The following ARHGAP11A variants were observed in gnomAD, a reference collection of about 807,000 sequenced individuals.
ARHGAP11A encodes the protein rho GTPase-activating protein 11A.
A neutral mutation model predicts 60.5 loss-of-function variants in ARHGAP11A; 36 were observed. That is an observed-to-expected ratio of 0.59 (90% CI 0.46 to 0.79). The LOEUF is 0.79. ARHGAP11A is among the 30% of genes least tolerant of loss of function. The probability of loss-of-function intolerance (pLI) is 0.00; values close to 1 mark genes in which losing one functional copy is unlikely to be tolerated. For synonymous variants in ARHGAP11A, 362 were observed against 415.5 expected (o/e 0.87, Z 1.57); for missense variants, 1,071 against 1,199.2 (o/e 0.89, Z 1.58).
chr15:32,637,832 C>T lies in ARHGAP11A; in HGVS notation c.3059C>T (p.Pro1020Leu). The change falls in exon 12 of 12, where the codon CCT (proline) becomes CTT (leucine). Residue 1020 changes from proline to leucine, a missense_variant. By Grantham distance (98) the Pro-to-Leu change is moderately conservative. Transcript: ENST00000361627. ...ACTCAATTACTACCAACAAGTAAAC[C>T]TGTAGATTTGTAATTGGTAAATGTT... ...GKTQLLPTSK[P>L]VDL 6.3e-7 allele frequency: 1 copy of T among 1,591,846 alleles called. No homozygotes were observed. Among genetic ancestry groups the T allele is most frequent in the Non-Finnish European group, 8.5e-7 (1 of 1,171,806 alleles).
chr15:32,631,356 C>G (rs1253929222), intron 8 of ARHGAP11A, among the ~76,000 whole-genome samples: 2 of 151,074 alleles, frequency 1.3e-5, no homozygotes, highest in African/African-American at 2.4e-5. Context: ...AGTGCAATGG[C>G]ACAATCTCGG....
intron 4 of ARHGAP11A, 52 bp from the exon 5 acceptor site, chr15:32,625,028 C>T (rs898341400): frequency 1.3e-6 from 2 of 1,580,212 alleles, no homozygotes; most frequent in Non-Finnish European, 1.7e-6. Flanking sequence ...TATTTTAACT[C>T]TTCTGTATTT....
chr15:32,616,425 C>T, intron 1 of ARHGAP11A, 85 bp downstream of exon 1: 13 of 1,582,648 alleles, frequency 8.2e-6, no homozygotes, highest in Admixed American at 1.8e-5. Context: ...CTAAAATGTT[C>T]ACTCTGTGTA....
In ARHGAP11A at chr15:32,638,141, C is replaced by T. The variant is rs1266726273; in HGVS notation, c.*296C>T. On this transcript the variant is annotated 3_prime_UTR_variant, in exon 12 of 12. Coordinates refer to ENST00000361627, the MANE Select transcript of ARHGAP11A (RefSeq NM_014783.6). ...TCGTCCAGGCTGGAGTGCAGTGGCG[C>T]AATCTCACTGCAAGCTCCACTTCCT... 3.9e-6 allele frequency: 1 copy of T among 256,120 alleles called. No homozygotes were observed. The highest frequency in any genetic ancestry group is 9.6e-5 in the South Asian group (1 of 10,464). 15.9% of individuals were successfully genotyped at this position (256,120 alleles called of 1,614,324 possible).
At position 32,636,977 on chromosome 15, in the gene ARHGAP11A, A is replaced by G. The variant is rs2053731720; in HGVS notation, c.2204A>G (p.Asn735Ser). ...KQQSPKDKLN[N>S]KLKENENMME... ...CAGTCCCCAAAGGATAAACTAAATAATAAATTAAAAGAGAATGAGAATATG... is the reference window on the plus strand; with the variant it reads ...CAGTCCCCAAAGGATAAACTAAATAGTAAATTAAAAGAGAATGAGAATATG... The change falls in exon 12 of 12, where the codon AAT becomes AGT. Residue 735 changes from asparagine to serine, a missense_variant. Asn to Ser is a conservative substitution (Grantham distance 46). Around this residue, in one of 4 missense-constraint regions of ARHGAP11A, gnomAD observed 776 missense variants for 760.2 expected, o/e 1.02. Transcript: ENST00000361627. 5.0e-6 allele frequency: 8 copies of G among 1,609,828 alleles called. No individual in the cohort carries two copies. Among genetic ancestry groups the G allele is most frequent in the Non-Finnish European group, 6.8e-6 (8 of 1,178,930 alleles).
intron 2 of ARHGAP11A, among the ~76,000 whole-genome samples, chr15:32,621,115 A>G (rs2053285348): frequency 1.5e-5 from 1 of 64,814 alleles, no homozygotes; most frequent in Non-Finnish European, 3.1e-5. Context: ...CTAAGATATT[A>G]GAGTGTTTGT....
intron 2 of ARHGAP11A, among the ~76,000 whole-genome samples, chr15:32,622,253 A>AT (rs1320534159): frequency 1.3e-5 from 2 of 152,306 alleles, no homozygotes; most frequent in Non-Finnish European, 2.9e-5. Flanking sequence ...TCTTGTCTCT[A>AT]CAAAAAATAG....
In ARHGAP11A at chr15:32,633,110, T is replaced by C. The variant is rs1462462541; in HGVS notation, c.1235+2T>C. On this transcript the variant is annotated splice_donor_variant, in intron 9 of 11. Transcript: ENST00000361627. LOFTEE classifies it high-confidence loss of function. ...AATTGCAGGCAAAAAAGTTTGCAGGTACTTTATCCAGGACATTTTGTTTTC... is the reference window on the plus strand; with the variant it reads ...AATTGCAGGCAAAAAAGTTTGCAGGCACTTTATCCAGGACATTTTGTTTTC... 1 of 1,614,008 alleles carries C rather than the reference T, an allele frequency of 6.2e-7. No homozygotes were observed. Among genetic ancestry groups the C allele is most frequent in the Admixed American group, 1.7e-5 (1 of 59,974 alleles).
At chr15:32,619,564 C>T (rs1377454784) in intron 1 of ARHGAP11A, among the ~76,000 whole-genome samples, 1 of 150,536 alleles carries the variant, frequency 6.6e-6, no homozygotes, top group East Asian at 1.9e-4. Context: ...GAAAAGCACT[C>T]TTCTATAGAA....
At chr15:32,628,501 T>C (rs189650191) in intron 6 of ARHGAP11A, among the ~76,000 whole-genome samples, 9 of 152,328 alleles carry the variant, frequency 5.9e-5, no homozygotes, top group African/African-American at 1.9e-4. Flanking sequence ...CATTTCTTTC[T>C]GTATTGTGTC....
At chr15:32,621,822 A>G (rs79439574) in intron 2 of ARHGAP11A, among the ~76,000 whole-genome samples, 1 of 62,314 alleles carries the variant, frequency 1.6e-5, no homozygotes, top group Non-Finnish European at 3.6e-5. Flanking sequence ...ACTCCGTCTC[A>G]AAAAAAAAAA....
chr15:32,623,711 A>C (rs999803523), intron 3 of ARHGAP11A, 123 bp downstream of exon 3: 1 of 910,676 alleles, frequency 1.1e-6, no homozygotes, highest in African/African-American at 1.7e-5. Context: ...CATTTTTTTC[A>C]TGGCAGAAGA....
intron 1 of ARHGAP11A, among the ~76,000 whole-genome samples, chr15:32,618,768 C>A (rs1055766913): frequency 7.0e-6 from 1 of 142,216 alleles, no homozygotes; most frequent in Non-Finnish European, 1.5e-5. Context: ...ACCCCCCCCC[C>A]CCCGCCCCAC....
chr15:32,627,416 G>A (rs2140459384), intron 6 of ARHGAP11A, among the ~76,000 whole-genome samples: 1 of 152,062 alleles, frequency 6.6e-6, no homozygotes, highest in South Asian at 2.1e-4. Flanking sequence ...TCTCCGTAGT[G>A]TTTATTGCAT....
chr15:32,618,779 G>A (rs1259091156), intron 1 of ARHGAP11A, among the ~76,000 whole-genome samples: 1 of 50,416 alleles, frequency 2.0e-5, no homozygotes, highest in Non-Finnish European at 4.4e-5. Flanking sequence ...CCCGCCCCAC[G>A]TCTCTACTAA....
chr15:32,633,130 G>A (rs775486467), intron 9 of ARHGAP11A, 22 bp downstream of exon 9: 1 of 1,612,522 alleles, frequency 6.2e-7, no homozygotes, highest in Non-Finnish European at 8.5e-7. Flanking sequence ...AGGACATTTT[G>A]TTTTCATCGG....
Position 32,638,022 on chromosome 15 carries a change from T to A in ARHGAP11A, c.*177T>A, listed in dbSNP as rs947876145. 1 of 596,220 alleles carries A rather than the reference T, an allele frequency of 1.7e-6. No individual in the cohort carries two copies. The highest frequency in any genetic ancestry group is 2.8e-6 in the Non-Finnish European group (1 of 359,530). The allele number at this position is 596,220 out of a possible 1,614,324, so 36.9% of individuals were successfully genotyped here. ...AACTTAGATTTTTATTTGTACAAAT[T>A]ACTTCTTTGTTTTTCTTAATGATGG... On this transcript the variant is annotated 3_prime_UTR_variant, in exon 12 of 12. Coordinates refer to ENST00000361627, the MANE Select transcript of ARHGAP11A (RefSeq NM_014783.6).
intron 8 of ARHGAP11A, among the ~76,000 whole-genome samples, chr15:32,630,741 A>G (rs1359359077): frequency 6.6e-6 from 1 of 152,200 alleles, no homozygotes; most frequent in East Asian, 1.9e-4. Flanking sequence ...CCAGAAAAAA[A>G]CACTTCTTCA....
At chr15:32,621,139 T>G (rs1233341937) in intron 2 of ARHGAP11A, among the ~76,000 whole-genome samples, 5 of 73,994 alleles carry the variant, frequency 6.8e-5, no homozygotes, top group East Asian at 3.4e-4. Context: ...AATGTATCAC[T>G]TAGCTTTTCT....
Sources: gnomAD v4.1 joint callset for allele counts (sites outside exome capture counted in the v4.1 genomes callset) on GRCh38, gnomAD v4.1.1 for gene constraint, gnomAD v4.1.1 regional missense constraint, MANE v1.5 for transcripts, NCBI Gene and HGNC (gene_info 2026-07-23, HGNC 2026-07-21) for gene names.